The following DAB1 variants were observed in gnomAD, a reference collection of about 807,000 sequenced individuals.
DAB1 encodes the protein disabled homolog 1.
Under a neutral mutation model 64.6 loss-of-function variants are expected in DAB1, and 15 were observed. The observed-to-expected ratio is 0.23, with a 90% CI of 0.16 to 0.36. The LOEUF is 0.36. DAB1 is among the 10% of genes least tolerant of loss of function. The pLI, the probability that DAB1 is intolerant of heterozygous loss-of-function variation, is 1.00. For synonymous variants in DAB1, 235 were observed against 251.9 expected (o/e 0.93, Z 0.64); for missense variants, 596 against 706.7 (o/e 0.84, Z 1.78).
At chr1:58,125,692 T>A (rs1483486695) in intron 5 of DAB1, among the ~76,000 whole-genome samples, 1 of 152,168 alleles carries the variant, frequency 6.6e-6, no homozygotes, top group Non-Finnish European at 1.5e-5. Flanking sequence ...ACAATCCACC[T>A]GTCTCAGCCT....
At chr1:58,204,463 G>C (rs111289127) in intron 4 of DAB1, among the ~76,000 whole-genome samples, 28 of 152,280 alleles carry the variant, frequency 1.8e-4, no homozygotes, top group African/African-American at 6.5e-4. Context: ...TGGCTTACTT[G>C]AGAGGTGTTC....
intron 14 of DAB1, among the ~76,000 whole-genome samples, chr1:57,004,203 G>A (rs1443563133): frequency 2.0e-5 from 3 of 152,152 alleles, no homozygotes; most frequent in Non-Finnish European, 2.9e-5. Flanking sequence ...TTCTGTGCTG[G>A]TTTCCTTGCT....
Position 58,372,414 on chromosome 1 carries a change from G to A in DAB1, n.258-29011C>T, listed in dbSNP as rs183243088. Among the ~76,000 whole-genome samples, 24 of 152,292 alleles carry A rather than the reference G, an allele frequency of 1.6e-4. No homozygotes were observed. In the East Asian group the frequency reaches 3.3e-3, roughly 21 times the overall value. ...TCTGTACCCCCATTGTATCTTGGGG[G>A]TATCTAACTTGCTTTTGATTTTACA... is the stretch of plus-strand genomic sequence containing the variant. On this transcript the variant is annotated intron_variant and non_coding_transcript_variant, in intron 3 of 20. Transcript: ENST00000485760.
chr1:57,052,840 T>C (rs1254680743), intron 9 of DAB1, among the ~76,000 whole-genome samples: 1 of 152,198 alleles, frequency 6.6e-6, no homozygotes, highest in African/African-American at 2.4e-5. Context: ...AAGGTTGTCC[T>C]TTCCCCTGAA....
intron 4 of DAB1, among the ~76,000 whole-genome samples, chr1:58,242,311 G>T (rs780760440): frequency 1.3e-5 from 2 of 152,044 alleles, no homozygotes; most frequent in Non-Finnish European, 2.9e-5. Flanking sequence ...ATTTGCAAAT[G>T]ATTATAGGAA....
intron 1 of DAB1, among the ~76,000 whole-genome samples, chr1:57,422,933 A>G (rs1685038207): frequency 6.6e-6 from 1 of 152,058 alleles, no homozygotes; most frequent in African/African-American, 2.4e-5. Context: ...GGGTCACAAT[A>G]ATACTCCTCG....
At chr1:58,104,981 A>G (rs1651547077) in intron 5 of DAB1, among the ~76,000 whole-genome samples, 6 of 152,224 alleles carry the variant, frequency 3.9e-5, no homozygotes. Context: ...CCCAAAAGAA[A>G]TTGAATTGGC....
At chr1:57,701,308 T>C (rs1435952059) in intron 6 of DAB1, among the ~76,000 whole-genome samples, 1 of 152,146 alleles carries the variant, frequency 6.6e-6, no homozygotes, top group Admixed American at 6.5e-5. Context: ...CCAACCCAAA[T>C]GTCCAACAAT....
intron 3 of DAB1, among the ~76,000 whole-genome samples, chr1:58,364,536 C>A (rs530464679): frequency 1.3e-5 from 2 of 152,210 alleles, no homozygotes; most frequent in Admixed American, 6.5e-5. Flanking sequence ...GCACAGTCCA[C>A]TCCTTTGGCT....
chr1:57,980,547 C>T (rs1256465628), intron 5 of DAB1, among the ~76,000 whole-genome samples: 2 of 152,138 alleles, frequency 1.3e-5, no homozygotes, highest in East Asian at 3.9e-4. Flanking sequence ...TTTCTTGCCC[C>T]TATCCCATGT....
intron 3 of DAB1, among the ~76,000 whole-genome samples, chr1:58,440,778 G>C (rs556823169): frequency 8.5e-5 from 13 of 152,198 alleles, no homozygotes; most frequent in South Asian, 8.3e-4. Context: ...ATAGCTGAGA[G>C]AGCTGAGGCA....
In DAB1 at chr1:57,217,781, T is replaced by C. The variant is rs1271303725; in HGVS notation, c.68-72352A>G. On this transcript the variant is annotated intron_variant, in intron 2 of 14. Coordinates refer to ENST00000371236, the MANE Select transcript of DAB1 (RefSeq NM_001365792.1). ...TCCACTGACCCATCAATCTGAAGAA[T>C]AAATTATTGAACTTGCATTTAAACT... Among the ~76,000 whole-genome samples the C allele has an allele frequency of 2.0e-5, 3 of 152,126 alleles. No individual in the cohort carries two copies. In the East Asian group the frequency reaches 5.8e-4, roughly 29 times the overall value.
At chr1:57,738,803 C>A (rs139126214) in intron 6 of DAB1, among the ~76,000 whole-genome samples, 1 of 152,150 alleles carries the variant, frequency 6.6e-6, no homozygotes, top group African/African-American at 2.4e-5. Flanking sequence ...ATATCAATAA[C>A]GGGAGGCAAT....
At chr1:57,117,445 C>T (rs1367824010) in intron 4 of DAB1, among the ~76,000 whole-genome samples, 2 of 152,218 alleles carry the variant, frequency 1.3e-5, no homozygotes, top group African/African-American at 4.8e-5. Flanking sequence ...CTGATTAAGT[C>T]CCCAAGATCA....
intron 3 of DAB1, among the ~76,000 whole-genome samples, chr1:58,463,434 T>C (rs1466525745): frequency 7.9e-5 from 12 of 152,172 alleles, no homozygotes. Context: ...ATGAAATCTG[T>C]TTTGTGTGTG....
intron 1 of DAB1, among the ~76,000 whole-genome samples, chr1:57,322,306 C>A (rs267647): frequency 0.55 from 83,381 of 151,972 alleles, 23,987 homozygotes; most frequent in East Asian, 0.89. Flanking sequence ...TAACGCATTA[C>A]AAAGTCATAT....
chr1:57,555,391 G>GTTT lies in DAB1; in HGVS notation n.625+94198_625+94200dup, dbSNP rs11303581. On this transcript the variant is annotated intron_variant and non_coding_transcript_variant, in intron 7 of 20. Transcript: ENST00000485760. ...TTTCTCTCTTTATGTCTGTCTCTGG[G>GTTT]TTTTTTTTTTTTTTTTTCTTTCAAG... Among the ~76,000 whole-genome samples the GTTT allele has an allele frequency of 7.4e-4, 95 of 128,808 alleles. 1 individual carries two copies. The highest frequency in any genetic ancestry group is 2.3e-3 in the African/African-American group (80 of 34,988). 84.5% of individuals were successfully genotyped at this position (128,808 alleles called of 152,430 possible). A position where few individuals can be genotyped will look rare whatever the true frequency, so the allele number is the denominator to read the frequency against.
chr1:57,791,304 T>A (rs1319891064), intron 6 of DAB1, among the ~76,000 whole-genome samples: 1 of 152,198 alleles, frequency 6.6e-6, no homozygotes, highest in Admixed American at 6.5e-5. Flanking sequence ...CTCTTTGAGA[T>A]ACATACTATG....
At chr1:58,162,080 C>T (rs1002334722) in intron 4 of DAB1, among the ~76,000 whole-genome samples, 11 of 151,834 alleles carry the variant, frequency 7.2e-5, no homozygotes, top group East Asian at 1.9e-4. Context: ...TAACAATGTT[C>T]GGTGATAGAT....
Sources: gnomAD v4.1 joint callset for allele counts (sites outside exome capture counted in the v4.1 genomes callset) on GRCh38, gnomAD v4.1.1 for gene constraint, MANE v1.5 for transcripts, NCBI Gene and HGNC (gene_info 2026-07-23, HGNC 2026-07-21) for gene names.